The following CD1B variants were observed in gnomAD, a reference collection of about 807,000 sequenced individuals.
The protein encoded by CD1B is CD1b molecule.
A neutral mutation model predicts 39.8 loss-of-function variants in CD1B; 43 were observed. The ratio of observed to expected loss-of-function variants is 1.08; its 90% CI spans 0.85 to 1.39. The LOEUF is 1.39. Ranked by LOEUF, CD1B falls within the 40% of genes most tolerant of loss-of-function variation. The pLI, the probability that CD1B is intolerant of heterozygous loss-of-function variation, is 0.00. For synonymous variants in CD1B, 192 were observed against 152.5 expected, an observed-to-expected ratio of 1.26 and a Z score of -1.91; for missense variants, 495 against 403.8, an observed-to-expected ratio of 1.23 and a Z score of -1.94.
chr1:158,294,664 A>G, the CD1B span, among the ~76,000 whole-genome samples: 1 of 152,216 alleles, frequency 6.6e-6, no homozygotes, highest in Non-Finnish European at 1.5e-5. Context: ...GTAGTCAAGC[A>G]CACCAACAAC....
chr1:158,301,502 G>A, the CD1B span, among the ~76,000 whole-genome samples: 2 of 152,026 alleles, frequency 1.3e-5, no homozygotes, highest in Admixed American at 6.6e-5. Flanking sequence ...AAATCTCTTA[G>A]CATTTGCTTG....
the CD1B span, among the ~76,000 whole-genome samples, chr1:158,304,770 G>C: frequency 6.9e-4 from 105 of 152,310 alleles, 1 homozygote; most frequent in African/African-American, 2.5e-3. Context: ...AGCAACATTT[G>C]CTGTTCACCA....
the CD1B span, among the ~76,000 whole-genome samples, chr1:158,305,531 C>T: frequency 6.6e-6 from 1 of 152,214 alleles, no homozygotes; most frequent in East Asian, 1.9e-4. Context: ...AGGAGAACTT[C>T]CCCAATCTAG....
chr1:158,304,171 C>A, the CD1B span, among the ~76,000 whole-genome samples: 1 of 152,132 alleles, frequency 6.6e-6, no homozygotes, highest in Non-Finnish European at 1.5e-5. Context: ...CACAAGGGGT[C>A]AGGGAATTCC....
At chr1:158,306,079 C>T in the CD1B span, among the ~76,000 whole-genome samples, 108 of 152,164 alleles carry the variant, frequency 7.1e-4, no homozygotes, top group African/African-American at 2.4e-3. Flanking sequence ...TCACACATAA[C>T]AATATTAACT....
the CD1B span, among the ~76,000 whole-genome samples, chr1:158,286,931 T>C: frequency 1.3e-5 from 2 of 152,114 alleles, no homozygotes; most frequent in South Asian, 4.1e-4. Context: ...CAAGTATATA[T>C]CAGCACCTCC....
At position 158,329,530 on chromosome 1, in the gene CD1B, C is replaced by T. The variant is rs1652499001; in HGVS notation, c.726G>A (p.Glu242=). 1.2e-6 allele frequency: 2 copies of T among 1,613,918 alleles called. No homozygotes were observed. The highest frequency in any genetic ancestry group is 1.3e-5 in the African/African-American group (1 of 74,872). Residue 242 remains glutamate, a synonymous_variant, in exon 4 of 6, where the codon GAG becomes GAA. Coordinates refer to ENST00000368168, the MANE Select transcript of CD1B (RefSeq NM_001764.3). ...CTAGCTGAGTGCCCTGCTGCTCCTG[C>T]TCACCCCGCATCCACATCACCCACA... is the stretch of plus-strand genomic sequence containing the variant. ...KPVWVMWMRG[E]QEQQGTQLGD...
At chr1:158,308,632 G>A in the CD1B span, among the ~76,000 whole-genome samples, 9 of 152,218 alleles carry the variant, frequency 5.9e-5, no homozygotes, top group Admixed American at 3.3e-4. Context: ...CCAAAACAGA[G>A]ATATAGAACA....
the CD1B span, chr1:158,293,308 T>A: frequency 2.1e-5 from 34 of 1,610,314 alleles, no homozygotes; most frequent in Non-Finnish European, 2.8e-5. Flanking sequence ...CACTGGTGAG[T>A]TTTTTGTATT....
At chr1:158,324,613 T>C (rs1450142705), downstream of CD1B, among the ~76,000 whole-genome samples, 1 of 152,120 alleles carries the variant, frequency 6.6e-6, no homozygotes, top group Non-Finnish European at 1.5e-5. Flanking sequence ...AAAGTGTAAA[T>C]ATGAGCTTGT....
At chr1:158,293,101 G>A in the CD1B span, 26 of 962,598 alleles carry the variant, frequency 2.7e-5, no homozygotes, top group Non-Finnish European at 3.9e-5. Flanking sequence ...ACTGAAATAG[G>A]ATAACTGATG....
the CD1B span, among the ~76,000 whole-genome samples, chr1:158,307,830 T>C: frequency 1.3e-5 from 2 of 152,184 alleles, no homozygotes; most frequent in East Asian, 1.9e-4. Context: ...TGATGGGATG[T>C]ATCTCAAAAT....
At chr1:158,292,347 A>T in the CD1B span, 3 of 1,613,916 alleles carry the variant, frequency 1.9e-6, no homozygotes, top group South Asian at 3.3e-5. Flanking sequence ...TGCAGGGAAG[A>T]TGTATGTACA....
chr1:158,305,158 G>A, the CD1B span, among the ~76,000 whole-genome samples: 1 of 151,946 alleles, frequency 6.6e-6, no homozygotes, highest in Non-Finnish European at 1.5e-5. Context: ...GAGGAAGTTC[G>A]AACTCATCGC....
the CD1B span, among the ~76,000 whole-genome samples, chr1:158,314,630 A>G: frequency 6.6e-6 from 1 of 151,380 alleles, no homozygotes; most frequent in Non-Finnish European, 1.5e-5. Flanking sequence ...TGTATTCCAT[A>G]GGTTTTGTTT....
chr1:158,318,706 A>T, the CD1B span, among the ~76,000 whole-genome samples: 2 of 152,132 alleles, frequency 1.3e-5, no homozygotes. Flanking sequence ...TCCTGTCATT[A>T]TGATGTTAGG....
the CD1B span, among the ~76,000 whole-genome samples, chr1:158,307,430 A>G: frequency 2.6e-5 from 4 of 152,170 alleles, no homozygotes; most frequent in African/African-American, 9.6e-5. Flanking sequence ...TCTGAAATTG[A>G]GGCAATAATT....
the CD1B span, among the ~76,000 whole-genome samples, chr1:158,305,388 A>G: frequency 2.0e-5 from 3 of 152,196 alleles, no homozygotes; most frequent in Non-Finnish European, 2.9e-5. Context: ...ACGAAAAAGA[A>G]TAAAAAGAAA....
the CD1B span, chr1:158,293,677 AG>A: frequency 7.9e-7 from 1 of 1,264,136 alleles, no homozygotes; most frequent in Non-Finnish European, 1.1e-6. Flanking sequence ...CAACCTTCAA[AG>A]CCCATTTCTG....
Sources: allele counts gnomAD v4.1 joint callset (sites outside exome capture counted in the v4.1 genomes callset), GRCh38; gene constraint gnomAD v4.1.1; transcripts MANE v1.5; gene names NCBI Gene and HGNC (gene_info 2026-07-23, HGNC 2026-07-21).